The following CCSER1 variants were observed in gnomAD, a reference collection of about 807,000 sequenced individuals.
CCSER1 encodes the protein serine-rich coiled-coil domain-containing protein 1.
In CCSER1, 41 loss-of-function variants were observed where a neutral mutation model predicts 82.0. The observed-to-expected ratio is 0.50, with a 90% CI of 0.39 to 0.65. CCSER1 has a LOEUF of 0.65. Among genes scored for constraint, CCSER1 ranks in the 30% least tolerant of loss-of-function variants. The pLI is 0.00. For synonymous variants in CCSER1, 414 were observed against 383.9 expected, an observed-to-expected ratio of 1.08 and a Z score of -0.92; for missense variants, 1,119 against 1,064.2, an observed-to-expected ratio of 1.05 and a Z score of -0.72.
Position 91,342,356 on chromosome 4 carries a change from T to C in CCSER1, c.2218-256216T>C, listed in dbSNP as rs1028822271. Among the ~76,000 whole-genome samples, 16 of 152,312 alleles carry C rather than the reference T, an allele frequency of 1.1e-4. No individual in the cohort carries two copies. In the South Asian group the frequency reaches 2.9e-3, roughly 28 times the overall value. ...TCTTTAATATGGACATAGTAACCAT[T>C]ACTTTATAACCTTAGACTTTTTACT... is the stretch of plus-strand genomic sequence containing the variant. On this transcript the variant is annotated intron_variant, in intron 10 of 10. Coordinates refer to ENST00000509176, the MANE Select transcript of CCSER1 (RefSeq NM_001145065.2).
chr4:90,981,720 A>G (rs1262973191), intron 9 of CCSER1, among the ~76,000 whole-genome samples: 4 of 151,876 alleles, frequency 2.6e-5, no homozygotes, highest in African/African-American at 7.2e-5. Context: ...CAAGAGGATA[A>G]CTACGTGAGC....
intron 5 of CCSER1, among the ~76,000 whole-genome samples, chr4:90,588,544 T>C (rs191606091): frequency 6.6e-6 from 1 of 152,314 alleles, no homozygotes; most frequent in Admixed American, 6.5e-5. Flanking sequence ...CCTGCAGTTA[T>C]TTGCTTCCCT....
At chr4:90,239,236 TA>T (rs1282782874) in intron 1 of CCSER1, among the ~76,000 whole-genome samples, 2 of 152,160 alleles carry the variant, frequency 1.3e-5, no homozygotes, top group Non-Finnish European at 2.9e-5. Context: ...TAGGAAACAA[TA>T]AACATACATC....
chr4:91,107,922 A>G (rs762330148), intron 10 of CCSER1: 6 of 152,154 alleles, frequency 3.9e-5, no homozygotes, highest in Non-Finnish European at 7.3e-5. Context: ...AATTTGCCTG[A>G]AACAAGCAGT....
intron 5 of CCSER1, among the ~76,000 whole-genome samples, chr4:90,605,478 GT>G (rs1784580280): frequency 6.6e-6 from 1 of 152,126 alleles, no homozygotes; most frequent in Non-Finnish European, 1.5e-5. Flanking sequence ...AACTTAGAAA[GT>G]TTTGAGAAAC....
At chr4:90,349,446 ATTCTAGAATTTAC>A (rs1363351894) in intron 3 of CCSER1, among the ~76,000 whole-genome samples, 3 of 152,112 alleles carry the variant, frequency 2.0e-5, no homozygotes, top group East Asian at 3.9e-4. Flanking sequence ...GTGGCATACA[ATTCTAGAATTTAC>A]TTTTCTATCT....
intron 6 of CCSER1, among the ~76,000 whole-genome samples, chr4:90,639,810 G>A (rs561109143): frequency 6.6e-6 from 1 of 152,216 alleles, no homozygotes; most frequent in East Asian, 1.9e-4. Flanking sequence ...GCAAATGTAT[G>A]TGTCAAGCAG....
At chr4:90,510,924 G>T (rs1056128869) in intron 5 of CCSER1, among the ~76,000 whole-genome samples, 3 of 152,188 alleles carry the variant, frequency 2.0e-5, no homozygotes, top group African/African-American at 4.8e-5. Context: ...GCAGGGGAAG[G>T]AGTCTGTGAG....
intron 4 of CCSER1, among the ~76,000 whole-genome samples, chr4:90,408,201 A>C (rs191728479): frequency 0.01 from 1,545 of 152,308 alleles, 17 homozygotes; most frequent in South Asian, 0.03. Context: ...GGCTCCACCT[A>C]TGGGGGCAGG....
rs189263788 is a variant in CCSER1 at position 90,344,618 on chromosome 4, T to C, written c.1509+31571T>C. On this transcript the variant is annotated intron_variant, in intron 3 of 10. Transcript: ENST00000509176. ...AATTTATAAGTTGAGCCATCAAAGATCCAGATGCTCCTTGACTTATGATGG... is the reference window on the plus strand; with the variant it reads ...AATTTATAAGTTGAGCCATCAAAGACCCAGATGCTCCTTGACTTATGATGG... Among the ~76,000 whole-genome samples the C allele has an allele frequency of 5.1e-4, 77 of 152,268 alleles. No homozygotes were observed. The East Asian group carries it at 0.013, about 26-fold the overall frequency.
chr4:91,229,288 C>CAAA (rs59877595), intron 10 of CCSER1, among the ~76,000 whole-genome samples: 1 of 138,194 alleles, frequency 7.2e-6, no homozygotes. Flanking sequence ...CAAAAACCTG[C>CAAA]AAAAAAAAAA....
chr4:90,212,086 C>T (rs1466299202), intron 1 of CCSER1, among the ~76,000 whole-genome samples: 3 of 152,140 alleles, frequency 2.0e-5, no homozygotes, highest in African/African-American at 7.2e-5. Flanking sequence ...TGGATACTTT[C>T]TTCGGGAGAT....
intron 10 of CCSER1, among the ~76,000 whole-genome samples, chr4:91,183,682 C>A (rs1272900143): frequency 1.3e-5 from 2 of 152,126 alleles, no homozygotes; most frequent in African/African-American, 2.4e-5. Context: ...TCTACTAAGT[C>A]CTGTTCTTGG....
At chr4:91,594,784 A>G (rs938838766) in intron 10 of CCSER1, among the ~76,000 whole-genome samples, 1 of 152,062 alleles carries the variant, frequency 6.6e-6, no homozygotes, top group Admixed American at 6.6e-5. Flanking sequence ...TATTCATTCC[A>G]TGTTACACAG....
At chr4:91,114,081 T>A (rs1726338257) in intron 10 of CCSER1, among the ~76,000 whole-genome samples, 1 of 152,146 alleles carries the variant, frequency 6.6e-6, no homozygotes, top group African/African-American at 2.4e-5. Context: ...CTCGATCTCC[T>A]GACCTCGTGA....
At chr4:91,575,832 T>TA (rs879595088) in intron 10 of CCSER1, among the ~76,000 whole-genome samples, 2 of 151,446 alleles carry the variant, frequency 1.3e-5, no homozygotes, top group African/African-American at 2.4e-5. Flanking sequence ...ATGACTATTA[T>TA]AAAAAAGACA....
At chr4:91,113,351 A>T (rs1726253045) in intron 10 of CCSER1, among the ~76,000 whole-genome samples, 1 of 152,232 alleles carries the variant, frequency 6.6e-6, no homozygotes, top group Admixed American at 6.5e-5. Context: ...TTTCTCAATC[A>T]AGAACAACTA....
intron 4 of CCSER1, among the ~76,000 whole-genome samples, chr4:90,439,235 C>T (rs28707784): frequency 0.01 from 1,583 of 152,176 alleles, 21 homozygotes; most frequent in African/African-American, 0.036. Context: ...TTGTAGTGAG[C>T]TGAGATCACA....
chr4:90,189,167 G>C (rs1735163393), intron 1 of CCSER1, among the ~76,000 whole-genome samples: 2 of 151,910 alleles, frequency 1.3e-5, no homozygotes, highest in Non-Finnish European at 2.9e-5. Context: ...TAGCTGCCAT[G>C]TTGTCACGAG....
Sources: allele counts gnomAD v4.1 joint callset (sites outside exome capture counted in the v4.1 genomes callset), GRCh38; gene constraint gnomAD v4.1.1; transcripts MANE v1.5; gene names NCBI Gene and HGNC (gene_info 2026-07-23, HGNC 2026-07-21).